Variants in ZMYM2 observed in about 807,000 individuals in gnomAD.
The protein encoded by ZMYM2 is zinc finger MYM-type containing 2.
ZMYM2 carries 56 observed loss-of-function variants against 162.8 expected under a neutral mutation model. The ratio of observed to expected loss-of-function variants is 0.34; its 90% CI spans 0.28 to 0.43. The LOEUF is 0.43. Ranked by LOEUF, ZMYM2 falls within the 20% of genes least tolerant of loss-of-function variation. The pLI, the probability that ZMYM2 is intolerant of heterozygous loss-of-function variation, is 1.00. For synonymous variants in ZMYM2, 510 were observed against 541.6 expected, an observed-to-expected ratio of 0.94 and a Z score of 0.81; for missense variants, 1,275 against 1,621.8, an observed-to-expected ratio of 0.79 and a Z score of 3.67.
chr13:20,047,843 A>G (rs187963931), intron 12 of ZMYM2, among the ~76,000 whole-genome samples: 14 of 152,216 alleles, frequency 9.2e-5, no homozygotes, highest in African/African-American at 3.1e-4. Flanking sequence ...TGAAAATAAA[A>G]TTAACGTATT....
chr13:20,028,856 A>C (rs1214980817), intron 9 of ZMYM2, among the ~76,000 whole-genome samples: 1 of 149,746 alleles, frequency 6.7e-6, no homozygotes, highest in African/African-American at 2.5e-5. Context: ...GAATCCATGG[A>C]TATGTAGGAC....
Position 20,064,535 on chromosome 13 carries a change from C to A in ZMYM2, c.3122C>A (p.Ser1041Tyr). ...EEYEEQPRPR[S>Y]KKKGAKRKAV... Reference sequence around the variant, plus strand: ...TATGAGGAACAGCCCAGACCTCGATCTAAAAAAAAGGTACATTCACTTAAT... The same window carrying A: ...TATGAGGAACAGCCCAGACCTCGATATAAAAAAAAGGTACATTCACTTAAT... Residue 1041 changes from serine (S) to tyrosine (Y), a missense_variant, in exon 19 of 25, where the codon TCT becomes TAT. Ser to Tyr is a moderately radical substitution (Grantham distance 144). This residue lies in a region of ZMYM2 where 229 missense variants were observed against 283.8 expected (regional missense o/e 0.81). Transcript: ENST00000610343. 6.3e-7 allele frequency: 1 copy of A among 1,575,034 alleles called. No homozygotes were observed. Among genetic ancestry groups the A allele is most frequent in the South Asian group, 1.2e-5 (1 of 84,986 alleles).
At chr13:20,076,937 G>GTGA (rs1957548702) in intron 21 of ZMYM2, among the ~76,000 whole-genome samples, 1 of 150,384 alleles carries the variant, frequency 6.6e-6, no homozygotes, top group Admixed American at 6.6e-5. Context: ...CCAGGTTCAA[G>GTGA]TGATTCTCCT....
intron 2 of ZMYM2, among the ~76,000 whole-genome samples, chr13:19,992,225 T>C (rs1594227015): frequency 6.6e-6 from 1 of 152,100 alleles, no homozygotes; most frequent in East Asian, 1.9e-4. Context: ...GTACAATTAA[T>C]GGGAGCCAGA....
intron 2 of ZMYM2, among the ~76,000 whole-genome samples, chr13:19,989,106 T>C (rs115492994): frequency 5.1e-4 from 78 of 152,216 alleles, no homozygotes; most frequent in African/African-American, 1.7e-3. Flanking sequence ...AGAGTTTTTT[T>C]CCCCCCATGA....
intron 2 of ZMYM2, among the ~76,000 whole-genome samples, chr13:19,972,122 A>T (rs1039571798): frequency 6.6e-6 from 1 of 152,226 alleles, no homozygotes; most frequent in African/African-American, 2.4e-5. Flanking sequence ...TGATTTATTC[A>T]TGTATTTATT....
chr13:19,967,646 C>T (rs555801545), intron 2 of ZMYM2, among the ~76,000 whole-genome samples: 5 of 152,222 alleles, frequency 3.3e-5, no homozygotes, highest in African/African-American at 1.2e-4. Context: ...CAGTATTTAC[C>T]AGTTTGCGAT....
At chr13:19,890,505 TA>T in the ZMYM2 span, among the ~76,000 whole-genome samples, 24 of 98,450 alleles carry the variant, frequency 2.4e-4, no homozygotes, top group African/African-American at 9.0e-4. Flanking sequence ...AGTGCTTTTG[TA>T]AAAAAAAAAA....
At chr13:19,864,530 A>G in the ZMYM2 span, 2 of 154,658 alleles carry the variant, frequency 1.3e-5, no homozygotes, top group African/African-American at 4.8e-5. Flanking sequence ...CCATCAACCA[A>G]GATGGAGGGA....
At position 20,066,961 on chromosome 13, in the gene ZMYM2, C is replaced by T. The variant is rs761397183; in HGVS notation, c.3243C>T (p.His1081=). The stretch of plus-strand genomic sequence containing the variant: ...CGTATGGCGTAAATGCATGGAAACA[C>T]TGGGTCAAAACTAGGCAACTTGATG... The part of the protein sequence containing the change: ...KYTYGVNAWK[H]WVKTRQLDED... Residue 1081 remains histidine (H), a synonymous_variant, in exon 20 of 25, where the codon CAC becomes CAT. Transcript: ENST00000610343. The T allele has an allele frequency of 6.2e-7, 1 of 1,613,150 alleles. No homozygotes were observed. Among genetic ancestry groups the T allele is most frequent in the East Asian group, 2.2e-5 (1 of 44,846 alleles).
the ZMYM2 span, among the ~76,000 whole-genome samples, chr13:19,896,033 A>AT: frequency 0.17 from 25,172 of 147,270 alleles, 2,561 homozygotes; most frequent in African/African-American, 0.25. Context: ...TTCTGATTCC[A>AT]TTTTTTTTTT....
Position 19,978,753 on chromosome 13 carries a change from T to TA in ZMYM2, c.-10-14303dup, listed in dbSNP as rs551696564. 4.5e-3 allele frequency among the ~76,000 whole-genome samples: 692 copies of TA among 152,282 alleles called. 6 individuals are homozygous for TA. Among genetic ancestry groups the TA allele is most frequent in the African/African-American group, 0.015 (635 of 41,554 alleles). ...TTGTGCCTTTATCTTTTATATCATA[T>TA]AAAAAAATTAATTATAAACCTAAAG... On this transcript the variant is annotated intron_variant, in intron 2 of 24. Coordinates refer to ENST00000610343, the MANE Select transcript of ZMYM2 (RefSeq NM_197968.4).
At chr13:19,979,197 T>C (rs1240702442) in intron 2 of ZMYM2, among the ~76,000 whole-genome samples, 2 of 152,218 alleles carry the variant, frequency 1.3e-5, no homozygotes, top group Non-Finnish European at 2.9e-5. Flanking sequence ...ATTTCTGCTC[T>C]CTTTGAGGTC....
the ZMYM2 span, among the ~76,000 whole-genome samples, chr13:19,899,896 A>G: frequency 1.3e-5 from 2 of 151,994 alleles, no homozygotes. Flanking sequence ...AAGATCAACA[A>G]AATTGATTAA....
Position 20,061,224 on chromosome 13 carries a change from A to G in ZMYM2, c.2911A>G (p.Ser971Gly). The change falls in exon 17 of 25, where the codon AGT becomes GGT. Residue 971 changes from serine to glycine, a missense_variant and splice_region_variant. Physicochemically the swap from Ser to Gly is moderately conservative, Grantham distance 56. This residue lies in a region of ZMYM2 where 229 missense variants were observed against 283.8 expected (regional missense o/e 0.81). Transcript: ENST00000610343. The stretch of plus-strand genomic sequence containing the variant: ...GAAAACAGAGACAACCAACATCAAC[A>G]GTGAGCTACACTAAATTATACCTTG... Reference protein sequence around the residue: ...EGKTETTNINSVIIETDIIGS... With the variant: ...EGKTETTNINGVIIETDIIGS... The G allele has an allele frequency of 6.2e-7, 1 of 1,613,426 alleles. No homozygotes were observed. Among genetic ancestry groups the G allele is most frequent in the Middle Eastern group, 1.7e-4 (1 of 6,046 alleles).
intron 14 of ZMYM2, among the ~76,000 whole-genome samples, chr13:20,056,983 G>C (rs1413017340): frequency 1.3e-5 from 2 of 152,216 alleles, no homozygotes; most frequent in African/African-American, 4.8e-5. Context: ...ACAAGAGCCA[G>C]TTCTACAACC....
chr13:19,924,278 T>C, the ZMYM2 span, among the ~76,000 whole-genome samples: 1 of 152,150 alleles, frequency 6.6e-6, no homozygotes, highest in African/African-American at 2.4e-5. Flanking sequence ...GTAGTTGTCT[T>C]TTCCGGCCAG....
the ZMYM2 span, among the ~76,000 whole-genome samples, chr13:19,887,842 A>G: frequency 1.3e-5 from 2 of 149,974 alleles, no homozygotes; most frequent in Admixed American, 6.6e-5. Context: ...GAACTGCCTC[A>G]TCTTTATTTA....
the ZMYM2 span, among the ~76,000 whole-genome samples, chr13:19,870,595 CCTTT>C: frequency 3.9e-4 from 56 of 142,812 alleles, no homozygotes; most frequent in African/African-American, 1.0e-3. Flanking sequence ...TTCCTTCCTT[CCTTT>C]CTTTCTTTCT....
Sources: gnomAD v4.1 joint callset for allele counts (sites outside exome capture counted in the v4.1 genomes callset) on GRCh38, gnomAD v4.1.1 for gene constraint, gnomAD v4.1.1 regional missense constraint, MANE v1.5 for transcripts, NCBI Gene and HGNC (gene_info 2026-07-23, HGNC 2026-07-21) for gene names.